The following SNX9 variants were observed in gnomAD, a reference collection of about 807,000 sequenced individuals.
The protein encoded by SNX9 is sorting nexin 9.
Under a neutral mutation model 89.4 loss-of-function variants are expected in SNX9, and 44 were observed. The observed-to-expected ratio is 0.49, with a 90% CI of 0.39 to 0.63. The LOEUF is 0.63. Among genes scored for constraint, SNX9 ranks in the 30% least tolerant of loss-of-function variants. The pLI is 0.00. For synonymous variants in SNX9, 236 were observed against 247.8 expected (o/e 0.95, Z 0.45); for missense variants, 578 against 736.1 (o/e 0.79, Z 2.49).
chr6:157,874,807 C>T (rs1782484423), intron 3 of SNX9: 1 of 341,104 alleles, frequency 2.9e-6, no homozygotes, highest in Non-Finnish European at 5.3e-6. Context: ...AGAGATTGAA[C>T]AATCCACTTC....
At chr6:157,882,356 G>A (rs143446105) in intron 4 of SNX9, among the ~76,000 whole-genome samples, 97 of 152,310 alleles carry the variant, frequency 6.4e-4, no homozygotes, top group African/African-American at 2.3e-3. Flanking sequence ...ACCTAAGAGC[G>A]CTGATGGAGA....
intron 9 of SNX9, among the ~76,000 whole-genome samples, chr6:157,916,593 G>A (rs1783477423): frequency 6.6e-6 from 1 of 152,154 alleles, no homozygotes; most frequent in Non-Finnish European, 1.5e-5. Flanking sequence ...TCAAGTTAAG[G>A]AATTTCTCTT....
At chr6:157,850,844 G>A (rs939751008) in intron 1 of SNX9, among the ~76,000 whole-genome samples, 1 of 152,232 alleles carries the variant, frequency 6.6e-6, no homozygotes, top group African/African-American at 2.4e-5. Flanking sequence ...CTGTGCTGGG[G>A]TGCACCAGCT....
chr6:157,887,858 T>G (rs1044555924), intron 4 of SNX9, among the ~76,000 whole-genome samples: 1 of 152,200 alleles, frequency 6.6e-6, no homozygotes, highest in Non-Finnish European at 1.5e-5. Context: ...ATATAAATGT[T>G]TGTAGTACTG....
chr6:157,887,736 T>C (rs1583217877), intron 4 of SNX9, among the ~76,000 whole-genome samples: 1 of 152,226 alleles, frequency 6.6e-6, no homozygotes, highest in African/African-American at 2.4e-5. Context: ...GTTGTCTGCT[T>C]TGCGTATTAA....
rs1173887333 is a variant in SNX9 at position 157,894,465 on chromosome 6, TA to T, written c.301-2341del. ...CCAGACAGATACAAGATTTAAATGT[TA>T]AAAAAAAAAAAAAAAAAAAAGCTAA... is the stretch of plus-strand genomic sequence containing the variant. On this transcript the variant is annotated intron_variant, in intron 4 of 17. Coordinates refer to ENST00000392185, the MANE Select transcript of SNX9 (RefSeq NM_016224.5). Among the ~76,000 whole-genome samples the T allele has an allele frequency of 7.3e-3, 732 of 100,698 alleles. 5 individuals carry two copies. The highest frequency in any genetic ancestry group is 0.036 in the East Asian group (134 of 3,716). The allele number at this position is 100,698 out of a possible 152,430, so 66.1% of individuals were successfully genotyped here.
Position 157,875,106 on chromosome 6 carries a change from A to G in SNX9, c.230A>G (p.Gln77Arg). ...QFSCGNSVAD[Q>R]AFLDSLSAST... ...TCTTGTGGAAATTCAGTGGCTGACC[A>G]AGCCTTCCTTGATTCTCTCTCAGCC... is the stretch of plus-strand genomic sequence containing the variant. Residue 77 changes from glutamine to arginine, a missense_variant, in exon 4 of 18, where the codon CAA (glutamine) becomes CGA (arginine). Coordinates refer to ENST00000392185, the MANE Select transcript of SNX9 (RefSeq NM_016224.5). 1 of 1,614,054 alleles carries G rather than the reference A, an allele frequency of 6.2e-7. No individual in the cohort carries two copies. Among genetic ancestry groups the G allele is most frequent in the South Asian group, 1.1e-5 (1 of 91,026 alleles).
chr6:157,854,210 C>T (rs2115123654), intron 1 of SNX9, among the ~76,000 whole-genome samples: 1 of 152,304 alleles, frequency 6.6e-6, no homozygotes, highest in Non-Finnish European at 1.5e-5. Context: ...TGTCTCCCCA[C>T]CCCCAGTGAG....
Position 157,875,111 on chromosome 6 carries a change from T to C in SNX9, c.235T>C (p.Phe79Leu). 1 of 1,614,102 alleles carries C rather than the reference T, an allele frequency of 6.2e-7. No homozygotes were observed. The highest frequency in any genetic ancestry group is 8.5e-7 in the Non-Finnish European group (1 of 1,179,978). Residue 79 changes from phenylalanine (F) to leucine (L), a missense_variant, in exon 4 of 18, where the codon TTC becomes CTC. Coordinates refer to ENST00000392185, the MANE Select transcript of SNX9 (RefSeq NM_016224.5). ...TGGAAATTCAGTGGCTGACCAAGCC[T>C]TCCTTGATTCTCTCTCAGCCAGCAC... ...SCGNSVADQAFLDSLSASTAQ... is the reference protein window; with the variant it reads ...SCGNSVADQALLDSLSASTAQ...
intron 5 of SNX9, among the ~76,000 whole-genome samples, chr6:157,897,428 A>T (rs916180009): frequency 6.6e-5 from 10 of 152,238 alleles, no homozygotes; most frequent in African/African-American, 2.4e-4. Context: ...GTGCCCCTAC[A>T]TGTTCAGCAC....
chr6:157,835,650 C>T (rs7775039), intron 1 of SNX9, among the ~76,000 whole-genome samples: 21,565 of 151,958 alleles, frequency 0.14, 1,607 homozygotes, highest in African/African-American at 0.15. Context: ...AATTGAATCA[C>T]GGGGTCGATT....
At chr6:157,939,481 G>T (rs924875395) in intron 16 of SNX9, among the ~76,000 whole-genome samples, 3 of 152,184 alleles carry the variant, frequency 2.0e-5, no homozygotes. Flanking sequence ...AGGGGAGATT[G>T]GAAGATGCAG....
chr6:157,912,227 C>G (rs993606102), intron 9 of SNX9, among the ~76,000 whole-genome samples: 1 of 152,208 alleles, frequency 6.6e-6, no homozygotes, highest in Non-Finnish European at 1.5e-5. Context: ...ATTTTGTGCT[C>G]TCCTTTATCA....
At chr6:157,902,724 G>A (rs1304116768) in intron 6 of SNX9, among the ~76,000 whole-genome samples, 2 of 152,186 alleles carry the variant, frequency 1.3e-5, no homozygotes, top group Non-Finnish European at 2.9e-5. Flanking sequence ...CTGAAGTGCA[G>A]TGGTGCGATC....
At chr6:157,862,971 G>A (rs1330690229) in intron 1 of SNX9, among the ~76,000 whole-genome samples, 1 of 152,194 alleles carries the variant, frequency 6.6e-6, no homozygotes, top group Admixed American at 6.5e-5. Context: ...CTTCCATGGG[G>A]AGAATGAGTG....
chr6:157,923,578 G>C (rs961405436), intron 10 of SNX9, among the ~76,000 whole-genome samples: 1 of 152,132 alleles, frequency 6.6e-6, no homozygotes, highest in Non-Finnish European at 1.5e-5. Context: ...TTCTAATACT[G>C]CGTCTCATGG....
chr6:157,940,833 C>T, intron 16 of SNX9, 50 bp from the exon 17 acceptor site: 1 of 1,534,108 alleles, frequency 6.5e-7, no homozygotes, highest in Non-Finnish European at 9.0e-7. Context: ...CAGGTGTTGT[C>T]ATTTGAAAAC....
intron 1 of SNX9, among the ~76,000 whole-genome samples, chr6:157,856,741 C>G (rs551093720): frequency 6.6e-6 from 1 of 152,080 alleles, no homozygotes; most frequent in African/African-American, 2.4e-5. Context: ...CTTACCTTAC[C>G]CTCATTACAT....
intron 4 of SNX9, among the ~76,000 whole-genome samples, chr6:157,875,656 A>C (rs1051145790): frequency 6.6e-6 from 1 of 152,218 alleles, no homozygotes; most frequent in Non-Finnish European, 1.5e-5. Flanking sequence ...CCAGGCACTC[A>C]GCACTTGGTA....
Sources: allele counts gnomAD v4.1 joint callset (sites outside exome capture counted in the v4.1 genomes callset), GRCh38; gene constraint gnomAD v4.1.1; transcripts MANE v1.5; gene names NCBI Gene and HGNC (gene_info 2026-07-23, HGNC 2026-07-21).